RNF38: variants seen among roughly 807,000 people sequenced by gnomAD.
RNF38 encodes E3 ubiquitin-protein ligase RNF38.
A neutral mutation model predicts 67.2 loss-of-function variants in RNF38; 15 were observed. That is an observed-to-expected ratio of 0.22 (90% confidence interval 0.15 to 0.34). The LOEUF (loss-of-function observed/expected upper bound fraction) is 0.34. Ranked by LOEUF, RNF38 falls within the 10% of genes least tolerant of loss-of-function variation. The pLI, the probability that RNF38 is intolerant of heterozygous loss-of-function variation, is 1.00. For missense variants in RNF38, 524 were observed against 639.9 expected, an observed-to-expected ratio of 0.82 and a Z score of 1.95; for synonymous variants, 220 against 218.8, an observed-to-expected ratio of 1.01 and a Z score of -0.05.
rs536782873 is a variant in RNF38 at position 36,420,304 on chromosome 9, G to A, written n.312+4309C>T. On this transcript the variant is annotated intron_variant and non_coding_transcript_variant, in intron 2 of 3. Transcript: ENST00000488058. Reference sequence around the variant, plus strand: ...TCCTAGCACTTTGGGAGGCCGAGGCGGGTGGGTCACGAGGTCAGGAGATCG... The same window carrying A: ...TCCTAGCACTTTGGGAGGCCGAGGCAGGTGGGTCACGAGGTCAGGAGATCG... Among the ~76,000 whole-genome samples the A allele has an allele frequency of 1.2e-4, 19 of 152,020 alleles. 1 individual carries two copies. The highest frequency in any genetic ancestry group is 3.4e-3 in the Middle Eastern group (1 of 294).
rs57951615 is a variant in RNF38, at chr9:36,362,470, CAA to C, written c.571-4530_571-4529del. On this transcript the variant is annotated intron_variant, in intron 4 of 11. Coordinates refer to ENST00000259605, the MANE Select transcript of RNF38 (RefSeq NM_022781.5). ...ACATAAAGCACGAACATCAAGACTA[CAA>C]AAAAAAAAAAAAAATCATCAGATGA... Among the ~76,000 whole-genome samples, 1,049 of 135,152 alleles carry C rather than the reference CAA, an allele frequency of 7.8e-3. 6 individuals are homozygous for C. Among genetic ancestry groups the C allele is most frequent in the African/African-American group, 0.014 (530 of 36,560 alleles). 88.7% of individuals were successfully genotyped at this position (135,152 alleles called of 152,430 possible).
rs547185337 is a variant in RNF38 at position 36,339,267 on chromosome 9, C to G, written c.*485G>C. On this transcript the variant is annotated 3_prime_UTR_variant, in exon 12 of 12. Transcript: ENST00000259605. ...GCTGGTATATAGGATCTCATACACA[C>G]GTTAGCTACCATGCCCTCACACAAG... 6.2e-6 allele frequency: 1 copy of G among 160,166 alleles called. No homozygotes were observed. Among genetic ancestry groups the G allele is most frequent in the Non-Finnish European group, 1.4e-5 (1 of 72,000 alleles). 9.9% of individuals were successfully genotyped at this position (160,166 alleles called of 1,614,324 possible).
At chr9:36,433,620 G>C (rs1453468312) in intron 1 of RNF38, among the ~76,000 whole-genome samples, 1 of 149,370 alleles carries the variant, frequency 6.7e-6, no homozygotes, top group Non-Finnish European at 1.5e-5. Flanking sequence ...CTGGGAGGCG[G>C]AAGTTGTAGT....
chr9:36,414,113 T>C (rs1838399096), intron 2 of RNF38, among the ~76,000 whole-genome samples: 1 of 152,200 alleles, frequency 6.6e-6, no homozygotes, highest in South Asian at 2.1e-4. Context: ...TTCACTCCTT[T>C]ACCTTATGTT....
In RNF38 at chr9:36,339,665, G is replaced by A; in HGVS notation, c.*87C>T. ...TGACCCTTTTGGTAAAGGGAGGGCT[G>A]GAAGCCACACAGATTAAGTTCAATG... On this transcript the variant is annotated 3_prime_UTR_variant, in exon 12 of 12. Coordinates refer to ENST00000259605, the MANE Select transcript of RNF38 (RefSeq NM_022781.5). The A allele has an allele frequency of 1.9e-6, 2 of 1,067,530 alleles. No individual in the cohort carries two copies. Among genetic ancestry groups the A allele is most frequent in the Non-Finnish European group, 2.8e-6 (2 of 702,778 alleles). The allele number at this position is 1,067,530 out of a possible 1,614,324, so 66.1% of individuals were successfully genotyped here.
At chr9:36,348,291 T>A (rs1402345758) in intron 9 of RNF38, among the ~76,000 whole-genome samples, 2 of 150,484 alleles carry the variant, frequency 1.3e-5, no homozygotes, top group African/African-American at 4.9e-5. Flanking sequence ...CAAAACCTTA[T>A]CTCTGAAAGA....
At chr9:36,482,889 T>A (rs1840309242) in intron 1 of RNF38, among the ~76,000 whole-genome samples, 1 of 152,080 alleles carries the variant, frequency 6.6e-6, no homozygotes, top group South Asian at 2.1e-4. Context: ...GACTGACAGT[T>A]CCAAAGCTGC....
intron 1 of RNF38, among the ~76,000 whole-genome samples, chr9:36,485,152 GAGAGACTCCGTCTCAA>G (rs1177655051): frequency 2.0e-5 from 3 of 152,210 alleles, no homozygotes; most frequent in African/African-American, 7.2e-5. Context: ...CTGGGTGACA[GAGAGACTCCGTCTCAA>G]AACAAACGAA....
chr9:36,445,169 G>A (rs976536129), intron 1 of RNF38, among the ~76,000 whole-genome samples: 8 of 152,078 alleles, frequency 5.3e-5, no homozygotes, highest in African/African-American at 1.7e-4. Flanking sequence ...GAGAAGGTAC[G>A]CACTTACAGA....
At chr9:36,363,873 ATTT>A (rs558655028) in intron 4 of RNF38, among the ~76,000 whole-genome samples, 1 of 76,292 alleles carries the variant, frequency 1.3e-5, no homozygotes, top group Admixed American at 1.2e-4. Context: ...TTATATGCAG[ATTT>A]TTTTTTTTTT....
At chr9:36,343,678 C>T (rs542067221) in intron 10 of RNF38, among the ~76,000 whole-genome samples, 2 of 151,100 alleles carry the variant, frequency 1.3e-5, no homozygotes, top group Admixed American at 6.6e-5. Context: ...GTCCATCCAT[C>T]GACGAAAAAA....
At chr9:36,467,178 C>CA (rs1364776139) in intron 1 of RNF38, among the ~76,000 whole-genome samples, 12 of 11,816 alleles carry the variant, frequency 1.0e-3, no homozygotes, top group African/African-American at 2.4e-3. Context: ...GACTCCGTCT[C>CA]AAAAAAAAAA....
chr9:36,473,314 G>A lies in RNF38; in HGVS notation n.241+13994C>T, dbSNP rs140107010. ...CATTTGTAAAAATAAATAGCTGGGC[G>A]TGGCAGCTCATGCCTATAATCCCAA... On this transcript the variant is annotated intron_variant and non_coding_transcript_variant, in intron 1 of 3. Transcript: ENST00000488058. Among the ~76,000 whole-genome samples, 15 of 152,090 alleles carry A rather than the reference G, an allele frequency of 9.9e-5. No individual in the cohort carries two copies. The East Asian group carries it at 1.9e-3, about 20-fold the overall frequency.
intron 3 of RNF38, among the ~76,000 whole-genome samples, chr9:36,373,275 T>C (rs1835527623): frequency 6.6e-6 from 1 of 152,206 alleles, no homozygotes. Context: ...ATAAATTGTG[T>C]GGTACATTAA....
At chr9:36,384,185 TATA>T (rs1390366320) in intron 2 of RNF38, among the ~76,000 whole-genome samples, 6 of 152,188 alleles carry the variant, frequency 3.9e-5, no homozygotes, top group East Asian at 1.9e-4. Context: ...TATCTGTAAC[TATA>T]ATAATTTTAA....
chr9:36,474,928 G>T, intron 1 of RNF38, among the ~76,000 whole-genome samples: 1 of 147,416 alleles, frequency 6.8e-6, no homozygotes, highest in South Asian at 2.2e-4. Context: ...GATCACCTGA[G>T]GTCGGGAGTT....
intron 3 of RNF38, among the ~76,000 whole-genome samples, chr9:36,370,383 G>A (rs1307138444): frequency 6.6e-6 from 1 of 151,988 alleles, no homozygotes; most frequent in Non-Finnish European, 1.5e-5. Context: ...ATAAGACATA[G>A]TTCCTATGTG....
intron 1 of RNF38, among the ~76,000 whole-genome samples, chr9:36,486,308 G>A (rs539372260): frequency 6.6e-6 from 1 of 152,106 alleles, no homozygotes; most frequent in African/African-American, 2.4e-5. Flanking sequence ...GAAATCCCAT[G>A]TATTACATGC....
intron 1 of RNF38, among the ~76,000 whole-genome samples, chr9:36,451,102 G>A (rs947921721): frequency 1.3e-5 from 2 of 152,100 alleles, no homozygotes; most frequent in African/African-American, 4.8e-5. Flanking sequence ...CGCACCTTGG[G>A]AATGCAATCA....
Sources: allele counts gnomAD v4.1 joint callset (sites outside exome capture counted in the v4.1 genomes callset), GRCh38; gene constraint gnomAD v4.1.1; transcripts MANE v1.5; gene names NCBI Gene and HGNC (gene_info 2026-07-23, HGNC 2026-07-21).